NFIC: variants seen among roughly 807,000 people sequenced by gnomAD.
NFIC encodes the protein nuclear factor 1 C-type.
Under a neutral mutation model 54.4 loss-of-function variants are expected in NFIC, and 12 were observed. The ratio of observed to expected loss-of-function variants is 0.22; its 90% confidence interval spans 0.14 to 0.36. The LOEUF (loss-of-function observed/expected upper bound fraction) is 0.36. NFIC is among the 10% of genes least tolerant of loss of function. The probability of loss-of-function intolerance (pLI) is 1.00; values close to 1 mark genes in which losing one functional copy is unlikely to be tolerated. For synonymous variants in NFIC, 322 were observed against 319.2 expected (o/e 1.01, Z -0.09); for missense variants, 575 against 718.2 (o/e 0.80, Z 2.28).
chr19:3,360,223 C>G (rs1252523714), intron 1 of NFIC, among the ~76,000 whole-genome samples: 1 of 145,570 alleles, frequency 6.9e-6, no homozygotes, highest in African/African-American at 2.5e-5. Context: ...GAGAGCGCGC[C>G]GCGGCCGCCG....
intron 2 of NFIC, among the ~76,000 whole-genome samples, chr19:3,419,491 G>A (rs527854075): frequency 2.0e-5 from 3 of 151,960 alleles, no homozygotes; most frequent in Admixed American, 6.6e-5. Context: ...AAATTAGGCC[G>A]AGCACAGTGG....
In NFIC at chr19:3,449,038, C is replaced by G. The variant is rs2057706481; in HGVS notation, c.983C>G (p.Thr328Arg). 1 of 1,613,212 alleles carries G rather than the reference C, an allele frequency of 6.2e-7. No individual in the cohort carries two copies. The highest frequency in any genetic ancestry group is 1.7e-5 in the Admixed American group (1 of 59,910). ...GGCATCTCGTCCCCGGTGAAGAAGACAGAGATGGACAAGTCACCATTCAAC... is the reference window on the plus strand; with the variant it reads ...GGCATCTCGTCCCCGGTGAAGAAGAGAGAGATGGACAAGTCACCATTCAAC... ...EGGISSPVKK[T>R]EMDKSPFNSP... is the part of the protein sequence containing the mutation. The change falls in exon 7 of 11, where the codon ACA becomes AGA. Residue 328 changes from threonine to arginine, a missense_variant. Coordinates refer to ENST00000443272, the MANE Select transcript of NFIC (RefSeq NM_001245002.2).
At chr19:3,395,130 G>A (rs899549295) in intron 2 of NFIC, among the ~76,000 whole-genome samples, 3 of 152,074 alleles carry the variant, frequency 2.0e-5, no homozygotes, top group Non-Finnish European at 2.9e-5. Flanking sequence ...AAGCCGAGAC[G>A]GGCGGATCTC....
chr19:3,404,718 A>G (rs2081616037), intron 2 of NFIC, among the ~76,000 whole-genome samples: 1 of 152,178 alleles, frequency 6.6e-6, no homozygotes, highest in Non-Finnish European at 1.5e-5. Flanking sequence ...GGGAGAGGCG[A>G]GAAAATGGCC....
chr19:3,442,379 C>T (rs2082307450), intron 6 of NFIC, among the ~76,000 whole-genome samples: 1 of 128,198 alleles, frequency 7.8e-6, no homozygotes, highest in African/African-American at 2.8e-5. Context: ...GCTTCCCATC[C>T]CTTTTTTTTT....
intron 2 of NFIC, among the ~76,000 whole-genome samples, chr19:3,413,161 C>T (rs534404446): frequency 1.3e-5 from 2 of 152,226 alleles, no homozygotes; most frequent in East Asian, 3.9e-4. Context: ...GTTAGCCAGG[C>T]TGGTCTTGAA....
At chr19:3,448,136 G>C (rs2082400448) in intron 6 of NFIC, among the ~76,000 whole-genome samples, 2 of 152,050 alleles carry the variant, frequency 1.3e-5, no homozygotes, top group Non-Finnish European at 2.9e-5. Context: ...GTAGTGGCGT[G>C]ATCTCAGCTC....
chr19:3,452,414 A>G lies in NFIC; in HGVS notation c.1085-68A>G. Reference sequence around the variant, plus strand: ...GCAGGAATGACACCCACAGACACACAGTCACACGGTCACAGAGCAGACCGG... The same window carrying G: ...GCAGGAATGACACCCACAGACACACGGTCACACGGTCACAGAGCAGACCGG... On this transcript the variant is annotated intron_variant, in intron 7 of 10. Coordinates refer to ENST00000443272, the MANE Select transcript of NFIC (RefSeq NM_001245002.2). This position sits in a 1 kb window ranked among gnomAD's most constrained non-coding sequence, Gnocchi z 5.3. The G allele has an allele frequency of 2.5e-6, 4 of 1,570,320 alleles. 1 individual carries two copies. The highest frequency in any genetic ancestry group is 2.2e-5 in the South Asian group (2 of 89,324).
chr19:3,371,321 A>ATTTTTTT (rs753286253), intron 1 of NFIC: 1 of 124,532 alleles, frequency 8.0e-6, no homozygotes, highest in Non-Finnish European at 1.7e-5. Context: ...AGGCAGCACA[A>ATTTTTTT]TTTTTTTTTT....
At chr19:3,435,316 T>A (rs1249167641) in intron 6 of NFIC, 109 bp downstream of exon 6, 32 of 1,400,792 alleles carry the variant, frequency 2.3e-5, no homozygotes, top group Non-Finnish European at 2.9e-5. Flanking sequence ...GAAGCCGGCC[T>A]GGAGCCGCGG....
At chr19:3,366,547 T>TGGGGG (rs1297245047), upstream of NFIC, 44 of 353,438 alleles carry the variant, frequency 1.2e-4, no homozygotes, top group South Asian at 7.2e-4. Context: ...GGGGGGGGGT[T>TGGGGG]GGGGGGGGCG....
chr19:3,461,810 CT>C (rs2082642478), intron 10 of NFIC, among the ~76,000 whole-genome samples: 1 of 152,010 alleles, frequency 6.6e-6, no homozygotes, highest in Non-Finnish European at 1.5e-5. Flanking sequence ...AATCCCAGCA[CT>C]TTGGGAGGCC....
intron 2 of NFIC, among the ~76,000 whole-genome samples, chr19:3,397,760 G>C (rs1371367075): frequency 6.6e-6 from 1 of 152,232 alleles, no homozygotes; most frequent in East Asian, 1.9e-4. Context: ...AGGCAGCGTG[G>C]CTACCTTAAA....
At chr19:3,415,144 G>A (rs1465846962) in intron 2 of NFIC, among the ~76,000 whole-genome samples, 1 of 151,864 alleles carries the variant, frequency 6.6e-6, no homozygotes, top group Non-Finnish European at 1.5e-5. Flanking sequence ...CCTGCCAAGT[G>A]CTTGGTTCTT....
chr19:3,419,722 C>G (rs2081923054), intron 2 of NFIC, among the ~76,000 whole-genome samples: 1 of 151,674 alleles, frequency 6.6e-6, no homozygotes, highest in Admixed American at 6.6e-5. Context: ...TCACTTGAAC[C>G]CGGGAGGCAG....
intron 9 of NFIC, 52 bp from the exon 10 acceptor site, chr19:3,456,498 C>T (rs954247005): frequency 1.1e-4 from 167 of 1,533,528 alleles, no homozygotes; most frequent in South Asian, 6.8e-4. Flanking sequence ...AGGGCCGCCC[C>T]GGCTCCCACA....
chr19:3,429,123 C>CAA (rs1229903958), intron 3 of NFIC, among the ~76,000 whole-genome samples: 78 of 88,142 alleles, frequency 8.8e-4, no homozygotes, highest in African/African-American at 3.4e-3. Flanking sequence ...TATCTCTACC[C>CAA]AAAAAAAAAA....
chr19:3,365,407 G>T (rs751840654), upstream of NFIC, among the ~76,000 whole-genome samples: 1 of 152,186 alleles, frequency 6.6e-6, no homozygotes, highest in Non-Finnish European at 1.5e-5. Flanking sequence ...CACTTTATAG[G>T]GGAGAACCCT....
At chr19:3,367,601 C>T (rs898202949) in intron 1 of NFIC, among the ~76,000 whole-genome samples, 1 of 152,340 alleles carries the variant, frequency 6.6e-6, no homozygotes, top group African/African-American at 2.4e-5. Context: ...CCCGGGGACT[C>T]CTTCCAGCCC....
Sources: allele counts gnomAD v4.1 joint callset (sites outside exome capture counted in the v4.1 genomes callset), GRCh38; gene constraint gnomAD v4.1.1; non-coding constraint Gnocchi (gnomAD v3.1); transcripts MANE v1.5; gene names NCBI Gene and HGNC (gene_info 2026-07-23, HGNC 2026-07-21).